The following SPOCK1 variants were observed in gnomAD, a reference collection of about 807,000 sequenced individuals.
The protein encoded by SPOCK1 is SPARC (osteonectin), cwcv and kazal like domains proteoglycan 1.
A neutral mutation model predicts 55.3 loss-of-function variants in SPOCK1; 23 were observed. The ratio of observed to expected loss-of-function variants is 0.42; its 90% CI spans 0.30 to 0.59. The LOEUF (loss-of-function observed/expected upper bound fraction) is 0.59. SPOCK1 is among the 20% of genes least tolerant of loss of function. The probability of loss-of-function intolerance (pLI) is 0.22; values close to 1 mark genes in which losing one functional copy is unlikely to be tolerated. For synonymous variants in SPOCK1, 226 were observed against 221.0 expected, an observed-to-expected ratio of 1.02 and a Z score of -0.20; for missense variants, 499 against 552.5, an observed-to-expected ratio of 0.90 and a Z score of 0.97.
intron 2 of SPOCK1, among the ~76,000 whole-genome samples, chr5:137,305,798 G>A (rs1035674687): frequency 6.6e-6 from 1 of 152,216 alleles, no homozygotes; most frequent in Non-Finnish European, 1.5e-5. Context: ...CATGCTGTGA[G>A]GTTAAGAGAG....
At chr5:137,324,484 C>T (rs967751238) in intron 2 of SPOCK1, among the ~76,000 whole-genome samples, 4 of 152,066 alleles carry the variant, frequency 2.6e-5, no homozygotes, top group Non-Finnish European at 5.9e-5. Flanking sequence ...ATGGATGAAC[C>T]TGGAAGACGT....
At chr5:137,453,086 G>A (rs1247825174) in intron 2 of SPOCK1, among the ~76,000 whole-genome samples, 1 of 152,112 alleles carries the variant, frequency 6.6e-6, no homozygotes, top group African/African-American at 2.4e-5. Context: ...CAAACCAAAG[G>A]CAAATATTAG....
intron 2 of SPOCK1, among the ~76,000 whole-genome samples, chr5:137,384,578 ATG>A (rs1491524682): frequency 7.4e-6 from 1 of 135,732 alleles, no homozygotes; most frequent in Non-Finnish European, 1.6e-5. Context: ...ATATATATAT[ATG>A]TATGTATTTT....
chr5:137,038,481 TGAA>T (rs942410141), intron 6 of SPOCK1, among the ~76,000 whole-genome samples: 91 of 152,110 alleles, frequency 6.0e-4, no homozygotes, highest in African/African-American at 2.1e-3. Flanking sequence ...GGTTTGAAAG[TGAA>T]GAAGAGAGGT....
At chr5:137,317,396 G>A (rs1358707664) in intron 2 of SPOCK1, among the ~76,000 whole-genome samples, 3 of 152,144 alleles carry the variant, frequency 2.0e-5, no homozygotes, top group East Asian at 1.9e-4. Context: ...CAGGGGATTC[G>A]TCCCTGACCT....
chr5:137,009,953 C>T (rs757450827), intron 6 of SPOCK1, among the ~76,000 whole-genome samples: 10 of 152,050 alleles, frequency 6.6e-5, no homozygotes, highest in Non-Finnish European at 1.2e-4. Context: ...GACACAGACC[C>T]TCTCTCTCTC....
chr5:137,446,211 T>C (rs746702362), intron 2 of SPOCK1, among the ~76,000 whole-genome samples: 16 of 152,186 alleles, frequency 1.1e-4, no homozygotes, highest in Non-Finnish European at 2.2e-4. Context: ...ATAATTACAT[T>C]TTATCTTTTG....
At chr5:137,170,275 T>C (rs1259087537) in intron 3 of SPOCK1, among the ~76,000 whole-genome samples, 1 of 152,226 alleles carries the variant, frequency 6.6e-6, no homozygotes, top group Non-Finnish European at 1.5e-5. Flanking sequence ...TTAATATTTT[T>C]GATTCATGGT....
intron 2 of SPOCK1, among the ~76,000 whole-genome samples, chr5:137,302,436 G>A (rs1168332401): frequency 6.7e-6 from 1 of 149,984 alleles, no homozygotes; most frequent in African/African-American, 2.4e-5. Context: ...AATTAGCCAG[G>A]TGTGGTGGCA....
chr5:137,436,803 A>G (rs544001946), intron 2 of SPOCK1, among the ~76,000 whole-genome samples: 2 of 152,150 alleles, frequency 1.3e-5, no homozygotes, highest in Non-Finnish European at 2.9e-5. Flanking sequence ...TTTTCCTCAT[A>G]AGGATTCTGT....
intron 3 of SPOCK1, among the ~76,000 whole-genome samples, chr5:137,227,506 G>A (rs915584952): frequency 4.6e-5 from 7 of 152,142 alleles, no homozygotes; most frequent in Non-Finnish European, 7.4e-5. Context: ...TGGTATGCTC[G>A]AAACAGATAA....
chr5:137,310,774 A>C (rs1442247794), intron 2 of SPOCK1, among the ~76,000 whole-genome samples: 1 of 152,216 alleles, frequency 6.6e-6, no homozygotes, highest in African/African-American at 2.4e-5. Context: ...TGAATTAATA[A>C]TTTGGAGAAC....
At chr5:136,994,490 G>A (rs1751004922) in intron 6 of SPOCK1, among the ~76,000 whole-genome samples, 1 of 152,022 alleles carries the variant, frequency 6.6e-6, no homozygotes, top group African/African-American at 2.4e-5. Context: ...AAAGTTCTTA[G>A]CAAAGTACAT....
chr5:137,111,932 C>A (rs190983331), intron 5 of SPOCK1, among the ~76,000 whole-genome samples: 5 of 152,250 alleles, frequency 3.3e-5, no homozygotes, highest in Admixed American at 2.6e-4. Flanking sequence ...ATCTGTGAAT[C>A]CCTGAGGCAC....
chr5:137,395,885 G>A (rs1580902419), intron 2 of SPOCK1, among the ~76,000 whole-genome samples: 1 of 152,108 alleles, frequency 6.6e-6, no homozygotes, highest in East Asian at 1.9e-4. Context: ...GCTAACCAAG[G>A]TCATTCACTT....
chr5:137,151,926 T>C (rs1754325628), intron 3 of SPOCK1, among the ~76,000 whole-genome samples: 1 of 152,222 alleles, frequency 6.6e-6, no homozygotes, highest in Non-Finnish European at 1.5e-5. Context: ...GGTTTATAAA[T>C]GGATATTTGA....
At chr5:137,157,931 G>C (rs142066929) in intron 3 of SPOCK1, among the ~76,000 whole-genome samples, 1 of 152,122 alleles carries the variant, frequency 6.6e-6, no homozygotes. Flanking sequence ...GTGTGGTGGC[G>C]CTTGCCTGCA....
At chr5:137,038,971 C>T (rs756816036) in intron 6 of SPOCK1, among the ~76,000 whole-genome samples, 34 of 152,184 alleles carry the variant, frequency 2.2e-4, no homozygotes, top group African/African-American at 4.1e-4. Context: ...GAGCTGATGA[C>T]AGAGGGTGGA....
intron 2 of SPOCK1, among the ~76,000 whole-genome samples, chr5:137,410,393 T>A (rs537183893): frequency 1.2e-4 from 19 of 152,220 alleles, no homozygotes; most frequent in Non-Finnish European, 2.2e-4. Flanking sequence ...TGGAAACTGA[T>A]GACCATGTAG....
Sources: allele counts gnomAD v4.1 joint callset (sites outside exome capture counted in the v4.1 genomes callset), GRCh38; gene constraint gnomAD v4.1.1; transcripts MANE v1.5; gene names NCBI Gene and HGNC (gene_info 2026-07-23, HGNC 2026-07-21).